ZNF276: variants seen among roughly 807,000 people sequenced by gnomAD.
ZNF276 encodes the protein centromere protein Z.
A neutral mutation model predicts 63.9 loss-of-function variants in ZNF276; 59 were observed. The ratio of observed to expected loss-of-function variants is 0.92; its 90% confidence interval spans 0.75 to 1.15. The LOEUF is 1.15. Among genes scored for constraint, ZNF276 ranks in the 50% most tolerant of loss-of-function variants. ZNF276 has a pLI of 0.00. For missense variants in ZNF276, 1,084 were observed against 843.8 expected, an observed-to-expected ratio of 1.28 and a Z score of -3.53; for synonymous variants, 496 against 348.4, an observed-to-expected ratio of 1.42 and a Z score of -4.72.
At chr16:89,737,785 C>T (rs2061991689) in intron 9 of ZNF276, 21 bp from the exon 10 acceptor site, 1 of 1,613,968 alleles carries the variant, frequency 6.2e-7, no homozygotes. Flanking sequence ...GGCCTGGACT[C>T]ACTGGACTCT....
At chr16:89,734,245 C>T (rs1415761936) in intron 9 of ZNF276, among the ~76,000 whole-genome samples, 1 of 152,224 alleles carries the variant, frequency 6.6e-6, no homozygotes, top group Non-Finnish European at 1.5e-5. Context: ...GGAAGGAATT[C>T]CTGACTTCCC....
At chr16:89,729,179 G>T in intron 5 of ZNF276, 56 bp from the exon 6 acceptor site, 1 of 1,470,176 alleles carries the variant, frequency 6.8e-7, no homozygotes, top group Non-Finnish European at 9.5e-7. Context: ...AGGTCGTGTT[G>T]GGTCTGTCAC....
chr16:89,737,593 A>C, intron 9 of ZNF276: 1 of 839,342 alleles, frequency 1.2e-6, no homozygotes, highest in South Asian at 2.0e-5. Flanking sequence ...CCATCCTGAA[A>C]TGCACACAGC....
In ZNF276 at chr16:89,733,408, G is replaced by A. The variant is rs1213070128; in HGVS notation, c.1276G>A (p.Glu426Lys). 1.2e-6 allele frequency: 2 copies of A among 1,614,188 alleles called. No homozygotes were observed. Among genetic ancestry groups the A allele is most frequent in the Non-Finnish European group, 1.7e-6 (2 of 1,180,050 alleles). The change falls in exon 7 of 11, where the codon GAG becomes AAG. Residue 426 changes from glutamate (E) to lysine (K), a missense_variant. Glu to Lys is a moderately conservative substitution (Grantham distance 56). Coordinates refer to ENST00000443381, the MANE Select transcript of ZNF276 (RefSeq NM_001113525.2). ...KPGWKKKLRC[E>K]REELPTIYKC... ...CGGATGGAAGAAGAAGCTTCGTTGT[G>A]AGAGGTGATGCCTGCAACGCGAGGC...
At chr16:89,721,942 TC>T in intron 1 of ZNF276, 97 bp downstream of exon 1, 1 of 868,944 alleles carries the variant, frequency 1.2e-6, no homozygotes, top group Non-Finnish European at 1.5e-6. Context: ...CGGCCTCTCC[TC>T]CACCCGGCCA....
In ZNF276 at chr16:89,728,559, C is replaced by T. The variant is rs200580850; in HGVS notation, c.1086-676C>T. ...CTGGGACTACAGGCACCCGCCACCA[C>T]GCCCGGCTAATTTTTTGTATTTTTA... On this transcript the variant is annotated intron_variant, in intron 5 of 10. Coordinates refer to ENST00000443381, the MANE Select transcript of ZNF276 (RefSeq NM_001113525.2). Among the ~76,000 whole-genome samples, 51 of 152,280 alleles carry T rather than the reference C, an allele frequency of 3.3e-4. 1 individual carries two copies. In the East Asian group the frequency reaches 6.7e-3, roughly 20 times the overall value.
chr16:89,731,227 G>GTGCGGC (rs1431819918), intron 6 of ZNF276, among the ~76,000 whole-genome samples: 1 of 152,238 alleles, frequency 6.6e-6, no homozygotes, highest in Non-Finnish European at 1.5e-5. Context: ...GGCGCAGCCT[G>GTGCGGC]TGCGAAGTCA....
chr16:89,739,664 A>T lies in ZNF276; in HGVS notation c.*1418A>T. 1 of 1,507,530 alleles carries T rather than the reference A, an allele frequency of 6.6e-7. No individual in the cohort carries two copies. The allele number at this position is 1,507,530 out of a possible 1,614,324, so 93.4% of individuals were successfully genotyped here. On this transcript the variant is annotated 3_prime_UTR_variant, in exon 11 of 11. Coordinates refer to ENST00000443381, the MANE Select transcript of ZNF276 (RefSeq NM_001113525.2). The stretch of plus-strand genomic sequence containing the variant: ...TACCCTGGGAGGCCTGGCTGTGGGG[A>T]TAGTGTGGGGCGAACAGCCTGAGCT...
Position 89,739,870 on chromosome 16 carries a change from C to T in ZNF276, c.*1624C>T, listed in dbSNP as rs779935085. The T allele has an allele frequency of 5.0e-5, 77 of 1,546,520 alleles. No homozygotes were observed. Among genetic ancestry groups the T allele is most frequent in the Non-Finnish European group, 6.5e-5 (75 of 1,148,912 alleles). On this transcript the variant is annotated 3_prime_UTR_variant, in exon 11 of 11. Coordinates refer to ENST00000443381, the MANE Select transcript of ZNF276 (RefSeq NM_001113525.2). ...CAAGTTTGTGCTTAATCTGTCCCAA[C>T]TAAAATGGAGCTTATAAACTTACTT... is the stretch of plus-strand genomic sequence containing the variant.
At position 89,723,603 on chromosome 16, in the gene ZNF276, G is replaced by C; in HGVS notation, c.900G>C (p.Lys300Asn). 6.2e-7 allele frequency: 1 copy of C among 1,612,808 alleles called. No individual in the cohort carries two copies. The highest frequency in any genetic ancestry group is 1.1e-5 in the South Asian group (1 of 91,088). ...GTGTPVGAETKTLPSTDVAQP... is the reference protein window; with the variant it reads ...GTGTPVGAETNTLPSTDVAQP... The stretch of plus-strand genomic sequence containing the variant: ...GGACCCCAGTTGGGGCTGAGACCAA[G>C]ACCCTGCCCAGCACGGATGTGGCCC... The change falls in exon 4 of 11, where the codon AAG (lysine) becomes AAC (asparagine). Residue 300 changes from lysine to asparagine, a missense_variant. Coordinates refer to ENST00000443381, the MANE Select transcript of ZNF276 (RefSeq NM_001113525.2).
At chr16:89,733,765 A>G (rs568907278) in intron 8 of ZNF276, among the ~76,000 whole-genome samples, 156 bp from the exon 9 acceptor site, 1 of 152,218 alleles carries the variant, frequency 6.6e-6, no homozygotes, top group Non-Finnish European at 1.5e-5. Flanking sequence ...CGGGGGGTCT[A>G]GAAGTTTCTT....
At position 89,723,718 on chromosome 16, in the gene ZNF276, C is replaced by A. The variant is rs372069395; in HGVS notation, c.1006+9C>A. On this transcript the variant is annotated intron_variant, in intron 4 of 10. Coordinates refer to ENST00000443381, the MANE Select transcript of ZNF276 (RefSeq NM_001113525.2). ...CCTTTGCAGGGCCCCAGGTAGGAGG[C>A]ACCTCTTGCTGGTGCTAGACCAGGA... 1.4e-5 allele frequency: 23 copies of A among 1,603,914 alleles called. No individual in the cohort carries two copies. In the African/African-American group the frequency reaches 2.3e-4, roughly 16 times the overall value.
rs2062096455 is a variant in ZNF276 at position 89,740,275 on chromosome 16, G to C, written c.*2029G>C. The C allele has an allele frequency of 4.6e-6, 3 of 645,798 alleles. No individual in the cohort carries two copies. Among genetic ancestry groups the C allele is most frequent in the African/African-American group, 1.8e-5 (1 of 55,464 alleles). The allele number at this position is 645,798 out of a possible 1,614,324, so 40.0% of individuals were successfully genotyped here. A position where few individuals can be genotyped will look rare whatever the true frequency, so the allele number is the denominator to read the frequency against. ...TGGGCCTCTGGACAGAAGAGGCTCAGGTAGGAGGCCAGGGACTTCGAGCAC... is the reference window on the plus strand; with the variant it reads ...TGGGCCTCTGGACAGAAGAGGCTCACGTAGGAGGCCAGGGACTTCGAGCAC... On this transcript the variant is annotated 3_prime_UTR_variant, in exon 11 of 11. Coordinates refer to ENST00000443381, the MANE Select transcript of ZNF276 (RefSeq NM_001113525.2).
rs1235913738 is a variant in ZNF276, at chr16:89,738,982, G to A, written c.*736G>A. ...CAGTTCCACGGGGTTGCCCTAGAGA[G>A]AAAACAGGCAAACTCACAGGTTAGA... is the stretch of plus-strand genomic sequence containing the variant. On this transcript the variant is annotated 3_prime_UTR_variant, in exon 11 of 11. Transcript: ENST00000443381. 6.2e-7 allele frequency: 1 copy of A among 1,614,120 alleles called. No homozygotes were observed. The highest frequency in any genetic ancestry group is 8.5e-7 in the Non-Finnish European group (1 of 1,180,052).
upstream of ZNF276, chr16:89,721,169 T>C (rs987856979): frequency 1.2e-5 from 3 of 249,792 alleles, no homozygotes; most frequent in Non-Finnish European, 2.3e-5. Context: ...GCCAGGCCCC[T>C]CTCTACGTGA....
At position 89,723,135 on chromosome 16, in the gene ZNF276, A is replaced by G. The variant is rs1458365512; in HGVS notation, c.510-2A>G. ...GCTCATGGCCACACTGATCCTTTGC[A>G]GGGTCGGTGCCCAGCCCCCAACAGG... On this transcript the variant is annotated splice_acceptor_variant, in intron 2 of 10. Coordinates refer to ENST00000443381, the MANE Select transcript of ZNF276 (RefSeq NM_001113525.2). LOFTEE classifies it high-confidence loss of function. The G allele has an allele frequency of 1.2e-6, 2 of 1,613,088 alleles. No homozygotes were observed. The highest frequency in any genetic ancestry group is 2.2e-5 in the East Asian group (1 of 44,884).
intron 9 of ZNF276, among the ~76,000 whole-genome samples, chr16:89,735,982 C>G (rs1292748967): frequency 6.6e-6 from 1 of 151,314 alleles, no homozygotes; most frequent in Non-Finnish European, 1.5e-5. Context: ...AGCTCCTCTT[C>G]CTGGGGTAAA....
intron 5 of ZNF276, 80 bp downstream of exon 5, chr16:89,727,437 A>T (rs2061501718): frequency 6.6e-7 from 1 of 1,516,450 alleles, no homozygotes; most frequent in Admixed American, 1.8e-5. Context: ...GTGAGAGAAG[A>T]GTGGGTTTAA....
upstream of ZNF276, chr16:89,720,766 G>C (rs1480945622): frequency 2.8e-6 from 4 of 1,450,566 alleles, no homozygotes; most frequent in East Asian, 9.4e-5. Flanking sequence ...GCCTCACCCG[G>C]GGCCGGTTGC....
Sources: allele counts gnomAD v4.1 joint callset (sites outside exome capture counted in the v4.1 genomes callset), GRCh38; gene constraint gnomAD v4.1.1; transcripts MANE v1.5; gene names NCBI Gene and HGNC (gene_info 2026-07-23, HGNC 2026-07-21).